Variants in DMAC2L observed in about 807,000 individuals in gnomAD.
DMAC2L encodes the protein ATP synthase subunit s, mitochondrial.
A neutral mutation model predicts 22.5 loss-of-function variants in DMAC2L; 21 were observed. That is an observed-to-expected ratio of 0.93 (90% CI 0.66 to 1.34). The LOEUF (loss-of-function observed/expected upper bound fraction) is 1.34. DMAC2L is among the 40% of genes most tolerant of loss of function. The probability of loss-of-function intolerance (pLI) is 0.00; values close to 1 mark genes in which losing one functional copy is unlikely to be tolerated. For missense variants in DMAC2L, 239 were observed against 246.5 expected (o/e 0.97, Z 0.20); for synonymous variants, 86 against 89.5 (o/e 0.96, Z 0.22).
chr14:50,311,961 T>C, upstream of DMAC2L: 3 of 1,540,134 alleles, frequency 1.9e-6, no homozygotes. Context: ...ACCAGGTGCC[T>C]CCGCGAGGGG....
intron 1 of DMAC2L, 125 bp downstream of exon 1, chr14:50,312,514 C>G (rs1423835222): frequency 2.7e-6 from 1 of 366,100 alleles, no homozygotes; most frequent in Non-Finnish European, 5.0e-6. Context: ...CTTCGACCTT[C>G]ACCGCCATGC....
Position 50,325,965 on chromosome 14 carries a change from C to G in DMAC2L, c.*242C>G. On this transcript the variant is annotated 3_prime_UTR_variant, in exon 6 of 6. Transcript: ENST00000557421. ...AAAAGTGCAGCCAGGCGCAGTGGCT[C>G]ATGCCTGTAATCCTAGCACTTTGGG... is the stretch of plus-strand genomic sequence containing the variant. 1.8e-6 allele frequency: 2 copies of G among 1,121,574 alleles called. No individual in the cohort carries two copies. Among genetic ancestry groups the G allele is most frequent in the Non-Finnish European group, 2.2e-6 (2 of 911,404 alleles). 69.5% of individuals were successfully genotyped at this position (1,121,574 alleles called of 1,614,324 possible).
intron 1 of DMAC2L, 43 bp downstream of exon 1, chr14:50,312,432 G>A: frequency 1.9e-6 from 1 of 532,574 alleles, no homozygotes; most frequent in Non-Finnish European, 3.4e-6. Context: ...GGACTAGGGT[G>A]GTGGTTGTGT....
At chr14:50,311,516 A>G, upstream of DMAC2L, 1 of 456,118 alleles carries the variant, frequency 2.2e-6, no homozygotes, top group South Asian at 1.5e-5. Flanking sequence ...GCGGGCTTTC[A>G]TTAGCATAAG....
At chr14:50,313,920 C>T (rs1429815948) in intron 1 of DMAC2L, among the ~76,000 whole-genome samples, 2 of 152,138 alleles carry the variant, frequency 1.3e-5, no homozygotes, top group African/African-American at 4.8e-5. Flanking sequence ...TTCTCTGTTT[C>T]TAAAATTTTG....
In DMAC2L at chr14:50,313,069, A is replaced by C. The variant is rs73279414; in HGVS notation, c.-42+680A>C. The C allele has an allele frequency of 1.3e-3, 2,047 of 1,605,194 alleles. 28 individuals carry two copies. The African/African-American group carries it at 0.022, about 17-fold the overall frequency. ...GCGACTCACCTGTGCAGGTCACTTC[A>C]CCTGATTCCCTTTATGTAAAAATGA... On this transcript the variant is annotated intron_variant, in intron 1 of 5. Coordinates refer to ENST00000557421, the MANE Select transcript of DMAC2L (RefSeq NM_001382507.1).
At position 50,327,096 on chromosome 14, in the gene DMAC2L, G is replaced by A. The variant is rs7147718; in HGVS notation, c.*1373G>A. 0.56 allele frequency: 85,042 copies of A among 151,468 alleles called. 23,871 individuals carry two copies. The highest frequency in any genetic ancestry group is 0.64 in the East Asian group (3,194 of 4,988). 9.4% of individuals were successfully genotyped at this position (151,468 alleles called of 1,614,324 possible). ...TAATCCCAGCACTTTTGAAGGCCAAGGCAGGCAGATCATTTGAGCCCAGGA... is the reference window on the plus strand; with the variant it reads ...TAATCCCAGCACTTTTGAAGGCCAAAGCAGGCAGATCATTTGAGCCCAGGA... On this transcript the variant is annotated 3_prime_UTR_variant, in exon 6 of 6. Transcript: ENST00000557421.
At chr14:50,311,911 C>T (rs1252326303), upstream of DMAC2L, 9 of 1,491,046 alleles carry the variant, frequency 6.0e-6, no homozygotes, top group Non-Finnish European at 7.2e-6. Flanking sequence ...CCTGCTCTCA[C>T]CCCGGGACAG....
At position 50,326,683 on chromosome 14, in the gene DMAC2L, A is replaced by G. The variant is rs1362688224; in HGVS notation, c.*960A>G. 29 of 985,248 alleles carry G rather than the reference A, an allele frequency of 2.9e-5. No individual in the cohort carries two copies. The highest frequency in any genetic ancestry group is 3.5e-5 in the Non-Finnish European group (29 of 829,884). The allele number at this position is 985,248 out of a possible 1,614,324, so 61.0% of individuals were successfully genotyped here. A position where few individuals can be genotyped will look rare whatever the true frequency, so the allele number is the denominator to read the frequency against. On this transcript the variant is annotated 3_prime_UTR_variant, in exon 6 of 6. Coordinates refer to ENST00000557421, the MANE Select transcript of DMAC2L (RefSeq NM_001382507.1). ...TGGCTGAATACAAATAGTTTTGCAG[A>G]TTGCAATATAATAAAGGAAACAGTA...
chr14:50,314,843 T>C (rs1173416341), intron 2 of DMAC2L, among the ~76,000 whole-genome samples: 2 of 151,910 alleles, frequency 1.3e-5, no homozygotes, highest in Non-Finnish European at 2.9e-5. Flanking sequence ...GGTTTCGCCA[T>C]GTTGACCGGG....
rs990925167 is a variant in DMAC2L, at chr14:50,326,464, G to A, written c.*741G>A. The stretch of plus-strand genomic sequence containing the variant: ...GAAGCTAAATTACAGATTCATTGAT[G>A]GAGTCAATTATGCAAAGTGGTCAGT... On this transcript the variant is annotated 3_prime_UTR_variant, in exon 6 of 6. Coordinates refer to ENST00000557421, the MANE Select transcript of DMAC2L (RefSeq NM_001382507.1). 5.6e-5 allele frequency: 55 copies of A among 985,108 alleles called. No homozygotes were observed. Among genetic ancestry groups the A allele is most frequent in the Non-Finnish European group, 6.6e-5 (55 of 829,812 alleles). The allele number at this position is 985,108 out of a possible 1,614,324, so 61.0% of individuals were successfully genotyped here.
At chr14:50,319,404 T>C in intron 2 of DMAC2L, 1 of 1,469,256 alleles carries the variant, frequency 6.8e-7, no homozygotes, top group East Asian at 2.5e-5. Context: ...GGCATCTTTC[T>C]AGTCCTCTTC....
In DMAC2L at chr14:50,321,573, G is replaced by C. The variant is rs1566558960; in HGVS notation, c.86G>C (p.Trp29Ser). Residue 29 changes from tryptophan to serine, a missense_variant, in exon 3 of 6, where the codon TGG becomes TCG. By Grantham distance (177) the Trp-to-Ser change is radical. Coordinates refer to ENST00000557421, the MANE Select transcript of DMAC2L (RefSeq NM_001382507.1). ...WSCDSRYFWG[W>S]LNAVFNKVDY... is the part of the protein sequence containing the mutation. Reference sequence around the variant, plus strand: ...TGTGACTCCAGATACTTCTGGGGCTGGTTGAATGCAGTGTTTAATAAGTAA... The same window carrying C: ...TGTGACTCCAGATACTTCTGGGGCTCGTTGAATGCAGTGTTTAATAAGTAA... The C allele has an allele frequency of 6.2e-7, 1 of 1,613,480 alleles. No homozygotes were observed. The highest frequency in any genetic ancestry group is 8.5e-7 in the Non-Finnish European group (1 of 1,179,418).
At chr14:50,316,882 T>C (rs1040135705) in intron 2 of DMAC2L, among the ~76,000 whole-genome samples, 1 of 152,204 alleles carries the variant, frequency 6.6e-6, no homozygotes, top group Non-Finnish European at 1.5e-5. Context: ...GTGGGCTCTT[T>C]TTTGGTTCTA....
At chr14:50,322,744 T>C in intron 4 of DMAC2L, 25 bp downstream of exon 4, 1 of 1,613,928 alleles carries the variant, frequency 6.2e-7, no homozygotes, top group Non-Finnish European at 8.5e-7. Context: ...GTTTTGCTAA[T>C]AGAAAATGCA....
At position 50,326,471 on chromosome 14, in the gene DMAC2L, A is replaced by G. The variant is rs377567904; in HGVS notation, c.*748A>G. 9 of 985,312 alleles carry G rather than the reference A, an allele frequency of 9.1e-6. No homozygotes were observed. The South Asian group carries it at 3.8e-4, about 41-fold the overall frequency. 61.0% of individuals were successfully genotyped at this position (985,312 alleles called of 1,614,324 possible). A position where few individuals can be genotyped will look rare whatever the true frequency, so the allele number is the denominator to read the frequency against. On this transcript the variant is annotated 3_prime_UTR_variant, in exon 6 of 6. Transcript: ENST00000557421. Reference sequence around the variant, plus strand: ...AATTACAGATTCATTGATGGAGTCAATTATGCAAAGTGGTCAGTGGTTGTT... The same window carrying G: ...AATTACAGATTCATTGATGGAGTCAGTTATGCAAAGTGGTCAGTGGTTGTT...
rs1759780745 is a variant in DMAC2L, at chr14:50,325,816, G to A, written c.*93G>A. 4.1e-6 allele frequency: 6 copies of A among 1,469,622 alleles called. No individual in the cohort carries two copies. The highest frequency in any genetic ancestry group is 5.4e-6 in the Non-Finnish European group (6 of 1,113,414). 91.0% of individuals were successfully genotyped at this position (1,469,622 alleles called of 1,614,324 possible). A position where few individuals can be genotyped will look rare whatever the true frequency, so the allele number is the denominator to read the frequency against. ...ATATAGTCATCAGTAGAATTATAAGGATGCCATATCATGACATTTTAGAAG... is the reference window on the plus strand; with the variant it reads ...ATATAGTCATCAGTAGAATTATAAGAATGCCATATCATGACATTTTAGAAG... On this transcript the variant is annotated 3_prime_UTR_variant, in exon 6 of 6. Transcript: ENST00000557421.
In DMAC2L at chr14:50,323,944, G is replaced by A; in HGVS notation, c.317-1G>A. The A allele has an allele frequency of 6.3e-7, 1 of 1,599,630 alleles. No homozygotes were observed. The highest frequency in any genetic ancestry group is 2.2e-5 in the East Asian group (1 of 44,474). On this transcript the variant is annotated splice_acceptor_variant, in intron 4 of 5. Coordinates refer to ENST00000557421, the MANE Select transcript of DMAC2L (RefSeq NM_001382507.1). LOFTEE classifies it high-confidence loss of function. The stretch of plus-strand genomic sequence containing the variant: ...TCTTAATCTGTACTTTTTCTCCCCA[G>A]AGGGCCTAGAGCATGTTGAAAAAAT...
intron 2 of DMAC2L, among the ~76,000 whole-genome samples, chr14:50,316,523 T>G (rs1241835527): frequency 6.6e-6 from 1 of 152,244 alleles, no homozygotes; most frequent in Non-Finnish European, 1.5e-5. Flanking sequence ...TTTTATAGTT[T>G]CAGGTCTTAG....
Sources: allele counts gnomAD v4.1 joint callset (sites outside exome capture counted in the v4.1 genomes callset), GRCh38; gene constraint gnomAD v4.1.1; transcripts MANE v1.5; gene names NCBI Gene and HGNC (gene_info 2026-07-23, HGNC 2026-07-21).